PTPRQ: variants seen among roughly 807,000 people sequenced by gnomAD.
The protein encoded by PTPRQ is phosphatidylinositol phosphatase PTPRQ.
PTPRQ carries 199 observed loss-of-function variants against 246.0 expected under a neutral mutation model. The observed-to-expected ratio is 0.81, with a 90% CI of 0.72 to 0.91. The LOEUF (loss-of-function observed/expected upper bound fraction) is 0.91. PTPRQ is among the 40% of genes least tolerant of loss of function. PTPRQ has a pLI of 0.00. For missense variants in PTPRQ, 2,624 were observed against 2,528.4 expected (o/e 1.04, Z -0.81); for synonymous variants, 869 against 853.2 (o/e 1.02, Z -0.32).
intron 33 of PTPRQ, among the ~76,000 whole-genome samples, chr12:80,624,717 C>T (rs1442928964): frequency 6.6e-6 from 1 of 152,160 alleles, no homozygotes; most frequent in Non-Finnish European, 1.5e-5. Context: ...ATTAGAGTCA[C>T]TTTCATAGGT....
chr12:80,531,552 G>T (rs932058823), intron 17 of PTPRQ, among the ~76,000 whole-genome samples: 2 of 152,142 alleles, frequency 1.3e-5, no homozygotes, highest in African/African-American at 4.8e-5. Flanking sequence ...TCACACTTCA[G>T]CACAGAGATT....
chr12:80,547,086 T>C (rs1226399606), intron 24 of PTPRQ: 1 of 161,854 alleles, frequency 6.2e-6, no homozygotes, highest in African/African-American at 2.4e-5. Flanking sequence ...TCTATAATTT[T>C]CTTTTAAGAA....
At chr12:80,578,947 A>G (rs550336333) in intron 25 of PTPRQ, among the ~76,000 whole-genome samples, 9 of 152,086 alleles carry the variant, frequency 5.9e-5, no homozygotes, top group Non-Finnish European at 1.3e-4. Flanking sequence ...ACTTCTAGGA[A>G]GTCTACAGTG....
intron 17 of PTPRQ, among the ~76,000 whole-genome samples, chr12:80,514,219 C>T (rs955323373): frequency 2.6e-5 from 4 of 151,794 alleles, no homozygotes; most frequent in Non-Finnish European, 5.9e-5. Flanking sequence ...TTCCTTCTTC[C>T]GTATACTCTT....
chr12:80,648,471 A>G (rs544354882), intron 35 of PTPRQ, among the ~76,000 whole-genome samples: 8 of 152,226 alleles, frequency 5.3e-5, no homozygotes, highest in Non-Finnish European at 2.9e-5. Context: ...TACTTAACCA[A>G]TGTGATGTCA....
At chr12:80,661,646 G>A (rs1424008643) in intron 39 of PTPRQ, among the ~76,000 whole-genome samples, 1 of 151,508 alleles carries the variant, frequency 6.6e-6, no homozygotes, top group East Asian at 1.9e-4. Context: ...GTTTGCAGGA[G>A]TAAATATAAA....
chr12:80,573,995 G>A (rs1445260848), intron 25 of PTPRQ, among the ~76,000 whole-genome samples: 1 of 152,084 alleles, frequency 6.6e-6, no homozygotes. Flanking sequence ...AGAAGGAAAT[G>A]ATAAAATATT....
intron 9 of PTPRQ, among the ~76,000 whole-genome samples, chr12:80,485,259 G>C (rs1366995640): frequency 6.6e-6 from 1 of 151,882 alleles, no homozygotes; most frequent in Non-Finnish European, 1.5e-5. Context: ...CACTGTCTTT[G>C]TTCACCTCAC....
chr12:80,669,031 A>G lies in PTPRQ; in HGVS notation c.6217A>G (p.Ile2073Val), dbSNP rs1289010252. ...GGGTTATTTATGTCCAAATGAATTT[A>G]TTGCTACTCAAGGTCCACTACCAGG... The part of the protein sequence containing the change: ...ISGYLCPNEF[I>V]ATQGPLPGTV... The change falls in exon 40 of 45, where the codon ATT becomes GTT. Residue 2073 changes from isoleucine (I) to valine (V), a missense_variant. By Grantham distance (29) the Ile-to-Val change is conservative. Coordinates refer to ENST00000644991, the MANE Select transcript of PTPRQ (RefSeq NM_001145026.2). 1 of 1,550,028 alleles carries G rather than the reference A, an allele frequency of 6.5e-7. No homozygotes were observed. The highest frequency in any genetic ancestry group is 1.2e-5 in the South Asian group (1 of 83,912).
At chr12:80,505,460 A>G (rs956113357) in intron 14 of PTPRQ, among the ~76,000 whole-genome samples, 2 of 151,940 alleles carry the variant, frequency 1.3e-5, no homozygotes, top group Admixed American at 6.6e-5. Context: ...TCAAATATAC[A>G]TAGAAAACCA....
chr12:80,618,221 TA>T (rs1273089829), intron 30 of PTPRQ, among the ~76,000 whole-genome samples: 2 of 151,430 alleles, frequency 1.3e-5, no homozygotes, highest in African/African-American at 4.8e-5. Context: ...CTGTATGACA[TA>T]AGCTCTTTTC....
intron 35 of PTPRQ, among the ~76,000 whole-genome samples, chr12:80,642,352 C>G (rs1047124929): frequency 1.3e-5 from 2 of 152,166 alleles, no homozygotes; most frequent in Admixed American, 6.5e-5. Context: ...TAACTTTGAT[C>G]AGTCTCTTTC....
At chr12:80,617,321 G>C (rs1898800424) in intron 30 of PTPRQ, among the ~76,000 whole-genome samples, 1 of 151,286 alleles carries the variant, frequency 6.6e-6, no homozygotes, top group Non-Finnish European at 1.5e-5. Flanking sequence ...AATATTCACT[G>C]TTAGATGAAA....
At chr12:80,654,883 T>G (rs1451187900) in intron 38 of PTPRQ, among the ~76,000 whole-genome samples, 2 of 151,380 alleles carry the variant, frequency 1.3e-5, no homozygotes, top group Non-Finnish European at 2.9e-5. Flanking sequence ...AATAATTAAT[T>G]TATAATATAT....
At chr12:80,612,760 A>G (rs1038117282) in intron 28 of PTPRQ, among the ~76,000 whole-genome samples, 1 of 150,478 alleles carries the variant, frequency 6.6e-6, no homozygotes, top group African/African-American at 2.4e-5. Context: ...TATTAGTAAT[A>G]ATGAAAACTG....
At position 80,506,168 on chromosome 12, in the gene PTPRQ, G is replaced by C. The variant is rs1484469412; in HGVS notation, c.2417G>C (p.Arg806Thr). 6.6e-7 allele frequency: 1 copy of C among 1,522,978 alleles called. No individual in the cohort carries two copies. Among genetic ancestry groups the C allele is most frequent in the East Asian group, 2.5e-5 (1 of 40,124 alleles). 94.3% of individuals were successfully genotyped at this position (1,522,978 alleles called of 1,614,324 possible). A position where few individuals can be genotyped will look rare whatever the true frequency, so the allele number is the denominator to read the frequency against. Residue 806 changes from arginine (R) to threonine (T), a missense_variant, in exon 15 of 45, where the codon AGA becomes ACA. By Grantham distance (71) the Arg-to-Thr change is moderately conservative. Coordinates refer to ENST00000644991, the MANE Select transcript of PTPRQ (RefSeq NM_001145026.2). ...AAGAGAAGTAATGGAAATGAGGAAA[G>C]AACTATAAATACAACCTCTTTAACC... ...YLKRSNGNEERTINTTSLTQN... is the reference protein window; with the variant it reads ...YLKRSNGNEETTINTTSLTQN...
intron 26 of PTPRQ, among the ~76,000 whole-genome samples, chr12:80,603,129 A>G (rs759823296): frequency 6.6e-6 from 1 of 151,664 alleles, no homozygotes; most frequent in Non-Finnish European, 1.5e-5. Flanking sequence ...CTCTATCTCA[A>G]TTTGCACCCA....
chr12:80,447,250 T>G (rs2120393110), intron 3 of PTPRQ, among the ~76,000 whole-genome samples: 1 of 152,094 alleles, frequency 6.6e-6, no homozygotes, highest in East Asian at 1.9e-4. Flanking sequence ...TTTAATGGGG[T>G]TTTTCTCCTT....
At position 80,524,096 on chromosome 12, in the gene PTPRQ, T is replaced by C. The variant is rs185324680; in HGVS notation, c.2679-9919T>C. ...AGGATCGATAGCTCTTCTTGTTGAA[T>C]TGATTCCTTTAGCATTATGTAATGG... On this transcript the variant is annotated intron_variant, in intron 17 of 44. Coordinates refer to ENST00000644991, the MANE Select transcript of PTPRQ (RefSeq NM_001145026.2). Among the ~76,000 whole-genome samples, 6 of 152,338 alleles carry C rather than the reference T, an allele frequency of 3.9e-5. No individual in the cohort carries two copies. In the East Asian group the frequency reaches 1.2e-3, roughly 29 times the overall value.
Sources: gnomAD v4.1 joint callset for allele counts (sites outside exome capture counted in the v4.1 genomes callset) on GRCh38, gnomAD v4.1.1 for gene constraint, MANE v1.5 for transcripts, NCBI Gene and HGNC (gene_info 2026-07-23, HGNC 2026-07-21) for gene names.